The following GLI2 variants were observed in gnomAD, a reference collection of about 807,000 sequenced individuals.
The protein encoded by GLI2 is GLI family zinc finger 2, also known as transcription activator GLI2.
In GLI2, 22 loss-of-function variants were observed where a neutral mutation model predicts 78.9. The observed-to-expected ratio is 0.28, with a 90% CI of 0.20 to 0.40. The LOEUF is 0.40. Among genes scored for constraint, GLI2 ranks in the 10% least tolerant of loss-of-function variants. GLI2 has a pLI of 1.00. For missense variants in GLI2, 2,097 were observed against 2,213.2 expected, an observed-to-expected ratio of 0.95 and a Z score of 1.05; for synonymous variants, 974 against 963.7, an observed-to-expected ratio of 1.01 and a Z score of -0.20.
At position 120,791,797 on chromosome 2, in the gene GLI2, C is replaced by T. The variant is rs1684165909; in HGVS notation, c.-30-5494C>T. Among the ~76,000 whole-genome samples, 3 of 151,920 alleles carry T rather than the reference C, an allele frequency of 2.0e-5. No homozygotes were observed. In the South Asian group the frequency reaches 6.2e-4, roughly 32 times the overall value. ...TGTGTGACTTTATATATGTGTGTGC[C>T]CATGCACACGTCTGTGACTTTAATG... On this transcript the variant is annotated intron_variant, in intron 1 of 13. Transcript: ENST00000361492.
chr2:120,958,476 C>T (rs1202954878), intron 5 of GLI2, among the ~76,000 whole-genome samples: 1 of 152,116 alleles, frequency 6.6e-6, no homozygotes, highest in East Asian at 1.9e-4. Context: ...TGTCACCCCT[C>T]CCGGGCCAGA....
At chr2:120,804,547 A>G (rs1046243852) in intron 2 of GLI2, among the ~76,000 whole-genome samples, 1 of 151,754 alleles carries the variant, frequency 6.6e-6, no homozygotes, top group African/African-American at 2.4e-5. Context: ...GGCTTATCCG[A>G]GTTTCTCTGC....
At chr2:120,964,831 G>T (rs1410244403) in intron 5 of GLI2, among the ~76,000 whole-genome samples, 1 of 152,250 alleles carries the variant, frequency 6.6e-6, no homozygotes, top group African/African-American at 2.4e-5. Flanking sequence ...CTGGGCCTCT[G>T]CTGACCTCTC....
chr2:120,902,084 A>G (rs1002172174), intron 2 of GLI2, among the ~76,000 whole-genome samples: 1 of 151,916 alleles, frequency 6.6e-6, no homozygotes, highest in Non-Finnish European at 1.5e-5. Flanking sequence ...CATCTCTCCC[A>G]AACTATATGC....
intron 3 of GLI2, among the ~76,000 whole-genome samples, chr2:120,938,790 T>G (rs180937856): frequency 6.6e-5 from 10 of 152,292 alleles, no homozygotes; most frequent in Admixed American, 6.5e-4. Flanking sequence ...TGTAGACGAC[T>G]GAGCCTCAGA....
chr2:120,764,444 G>A (rs707495), intron 1 of GLI2, among the ~76,000 whole-genome samples: 103,471 of 151,464 alleles, frequency 0.68, 36,981 homozygotes, highest in African/African-American at 0.92. Flanking sequence ...TTAAAAAAAA[G>A]AGAACGGATT....
rs1351402106 is a variant in GLI2, at chr2:120,992,379, C to T, written c.*1704C>T. ...ATCCCTGAATATACTGTAGGTGAGT[C>T]GTCCAGCCAAATTTATATCTCCAAA... On this transcript the variant is annotated 3_prime_UTR_variant, in exon 14 of 14. Coordinates refer to ENST00000361492, the MANE Select transcript of GLI2 (RefSeq NM_001374353.1). 2 of 152,164 alleles carry T rather than the reference C, an allele frequency of 1.3e-5. No homozygotes were observed. The highest frequency in any genetic ancestry group is 2.9e-5 in the Non-Finnish European group (2 of 68,036). The allele number at this position is 152,164 out of a possible 1,614,324, so 9.4% of individuals were successfully genotyped here.
chr2:120,867,399 C>G (rs974623252), intron 2 of GLI2: 7 of 152,316 alleles, frequency 4.6e-5, no homozygotes, highest in South Asian at 2.1e-4. Context: ...AGCCAGCGAG[C>G]GCTCCTAAAC....
intron 2 of GLI2, among the ~76,000 whole-genome samples, chr2:120,874,366 C>A: frequency 6.6e-6 from 1 of 152,220 alleles, no homozygotes; most frequent in East Asian, 1.9e-4. Flanking sequence ...TAATCAAAAG[C>A]ACCAGTAGTC....
chr2:120,926,876 T>A (rs1001096720), intron 2 of GLI2, among the ~76,000 whole-genome samples: 1 of 152,232 alleles, frequency 6.6e-6, no homozygotes, highest in Non-Finnish European at 1.5e-5. Flanking sequence ...TTGGCCTTCC[T>A]GAGGCTGGCG....
chr2:120,828,892 A>G (rs1686217646), intron 2 of GLI2, among the ~76,000 whole-genome samples: 1 of 145,264 alleles, frequency 6.9e-6, no homozygotes. Context: ...ATCCACAGCC[A>G]CTATTCCTCA....
chr2:120,966,058 G>C lies in GLI2; in HGVS notation c.644-2656G>C, dbSNP rs1456428710. Among the ~76,000 whole-genome samples, 3 of 152,176 alleles carry C rather than the reference G, an allele frequency of 2.0e-5. No individual in the cohort carries two copies. In the East Asian group the frequency reaches 5.8e-4, roughly 29 times the overall value. On this transcript the variant is annotated intron_variant, in intron 5 of 13. Transcript: ENST00000361492. Reference sequence around the variant, plus strand: ...GAAAGCAGAAAGTTTAGCTGACAAGGATGTCAAAAGAAAAGAATGTTCTGA... The same window carrying C: ...GAAAGCAGAAAGTTTAGCTGACAAGCATGTCAAAAGAAAAGAATGTTCTGA...
chr2:120,990,670 A>G lies in GLI2; in HGVS notation c.4705A>G (p.Thr1569Ala), dbSNP rs1174326854. 2 of 1,611,438 alleles carry G rather than the reference A, an allele frequency of 1.2e-6. No homozygotes were observed. Among genetic ancestry groups the G allele is most frequent in the African/African-American group, 2.7e-5 (2 of 74,856 alleles). ...AEESKFLNMM[T>A] Reference sequence around the variant, plus strand: ...GGAGAGCAAGTTCCTGAACATGATGACCTAGAGGCCCGAGCGCCTGGTGCT... The same window carrying G: ...GGAGAGCAAGTTCCTGAACATGATGGCCTAGAGGCCCGAGCGCCTGGTGCT... Residue 1569 changes from threonine (T) to alanine (A), a missense_variant, in exon 14 of 14, where the codon ACC becomes GCC. Coordinates refer to ENST00000361492, the MANE Select transcript of GLI2 (RefSeq NM_001374353.1).
In GLI2 at chr2:120,797,354, A is replaced by G; in HGVS notation, c.34A>G (p.Lys12Glu). ...ETSASATASE[K>E]QEAKSGILEA... Reference sequence around the variant, plus strand: ...GTCTGCCTCAGCCACTGCCTCCGAGAAGCAAGAAGCCAAAAGTGGGATCCT... The same window carrying G: ...GTCTGCCTCAGCCACTGCCTCCGAGGAGCAAGAAGCCAAAAGTGGGATCCT... Residue 12 changes from lysine to glutamate, a missense_variant, in exon 2 of 14, where the codon AAG becomes GAG. Coordinates refer to ENST00000361492, the MANE Select transcript of GLI2 (RefSeq NM_001374353.1). The G allele has an allele frequency of 6.2e-7, 1 of 1,613,870 alleles. No individual in the cohort carries two copies. The highest frequency in any genetic ancestry group is 8.5e-7 in the Non-Finnish European group (1 of 1,179,940).
chr2:120,764,927 C>G (rs1049738562), intron 1 of GLI2, among the ~76,000 whole-genome samples: 1 of 152,178 alleles, frequency 6.6e-6, no homozygotes, highest in Non-Finnish European at 1.5e-5. Context: ...CTTTGTGTCT[C>G]TTGAGGAAAT....
At chr2:120,892,077 A>C (rs1041590939) in intron 2 of GLI2, among the ~76,000 whole-genome samples, 14 of 150,628 alleles carry the variant, frequency 9.3e-5, no homozygotes, top group Admixed American at 3.3e-4. Context: ...ACAAAGCTTG[A>C]CATCTGATCA....
chr2:120,737,940 C>A lies in GLI2; in HGVS notation c.-31+1655C>A, dbSNP rs1475859006. Reference sequence around the variant, plus strand: ...GCCTCCCTGATGAGACCAGTTTGTTCCAGCCACCTCACCTGCCAGCTTTCT... The same window carrying A: ...GCCTCCCTGATGAGACCAGTTTGTTACAGCCACCTCACCTGCCAGCTTTCT... On this transcript the variant is annotated intron_variant, in intron 1 of 13. Transcript: ENST00000361492. This position sits in a 1 kb window ranked among gnomAD's most constrained non-coding sequence, Gnocchi z 4.3. Among the ~76,000 whole-genome samples, 2 of 152,168 alleles carry A rather than the reference C, an allele frequency of 1.3e-5. No homozygotes were observed. The highest frequency in any genetic ancestry group is 2.9e-5 in the Non-Finnish European group (2 of 68,026).
At chr2:120,860,394 A>G (rs1255114210) in intron 2 of GLI2, among the ~76,000 whole-genome samples, 4 of 152,108 alleles carry the variant, frequency 2.6e-5, no homozygotes, top group Non-Finnish European at 5.9e-5. Context: ...AGGTCCTGAG[A>G]TTCTCTCAGG....
rs753578976 is a variant in GLI2, at chr2:120,990,134, C to T, written c.4169C>T (p.Pro1390Leu). 8 of 1,606,654 alleles carry T rather than the reference C, an allele frequency of 5.0e-6. No individual in the cohort carries two copies. The highest frequency in any genetic ancestry group is 1.3e-5 in the African/African-American group (1 of 74,832). The change falls in exon 14 of 14, where the codon CCG (proline) becomes CTG (leucine). Residue 1390 changes from proline to leucine, a missense_variant. This residue lies in a region of GLI2 where 1,290 missense variants were observed against 1,261.7 expected (regional missense o/e 1.02). Coordinates refer to ENST00000361492, the MANE Select transcript of GLI2 (RefSeq NM_001374353.1). ...RATGHAMAAMPSSQETAEAVP... is the reference protein window; with the variant it reads ...RATGHAMAAMLSSQETAEAVP... ...ACAGGCCATGCCATGGCTGCCATGC[C>T]GTCCAGTCAGGAAACAGCAGAGGCT...
Sources: allele counts gnomAD v4.1 joint callset (sites outside exome capture counted in the v4.1 genomes callset), GRCh38; gene constraint gnomAD v4.1.1; regional missense constraint gnomAD v4.1.1; non-coding constraint Gnocchi (gnomAD v3.1); transcripts MANE v1.5; gene names NCBI Gene and HGNC (gene_info 2026-07-23, HGNC 2026-07-21).